The following PARP10 variants were observed in gnomAD, a reference collection of about 807,000 sequenced individuals.
PARP10 encodes the protein poly(ADP-ribose) polymerase family member 10, also known as protein mono-ADP-ribosyltransferase PARP10.
A neutral mutation model predicts 82.4 loss-of-function variants in PARP10; 56 were observed. The ratio of observed to expected loss-of-function variants is 0.68; its 90% confidence interval spans 0.55 to 0.85. PARP10 has a LOEUF of 0.85. Among genes scored for constraint, PARP10 ranks in the 40% least tolerant of loss-of-function variants. The pLI is 0.00. For missense variants in PARP10, 1,227 were observed against 1,379.4 expected (o/e 0.89, Z 1.75); for synonymous variants, 576 against 601.1 (o/e 0.96, Z 0.61).
intron 1 of PARP10, among the ~76,000 whole-genome samples, chr8:144,000,068 AAAG>A (rs1260937017): frequency 6.6e-6 from 1 of 152,200 alleles, no homozygotes; most frequent in Non-Finnish European, 1.5e-5. Context: ...ACTTGCATAA[AAAG>A]AAGGTTATGC....
chr8:143,985,205 G>A lies in PARP10; in HGVS notation c.797C>T (p.Ser266Phe), dbSNP rs782776769. 10 of 1,614,150 alleles carry A rather than the reference G, an allele frequency of 6.2e-6. No homozygotes were observed. The highest frequency in any genetic ancestry group is 8.5e-6 in the Non-Finnish European group (10 of 1,180,020). The change falls in exon 5 of 11, where the codon TCC (serine) becomes TTC (phenylalanine). Residue 266 changes from serine (S) to phenylalanine (F), a missense_variant. Physicochemically the swap from Ser to Phe is radical, Grantham distance 155. Transcript: ENST00000313028. ...AENTSGGDHP[S>F]TQGPRATKHA... ...CTTGGTAGCCCTAGGCCCCTGGGTG[G>A]ACGGGTGGTCCCCTCCACTGGTGTT...
rs1833959472 is a variant in PARP10, at chr8:143,985,267, G to A, written c.735C>T (p.Pro245=). The A allele has an allele frequency of 6.2e-7, 1 of 1,613,824 alleles. No individual in the cohort carries two copies. Among genetic ancestry groups the A allele is most frequent in the Non-Finnish European group, 8.5e-7 (1 of 1,179,928 alleles). The change falls in exon 5 of 11, where the codon CCC becomes CCT. Residue 245 remains proline, a synonymous_variant. Transcript: ENST00000313028. ...RLQGSELSLV[P]HYDILEPEEL... ...CCTCGGGCTCCAGGATGTCGTAGTG[G>A]GGGACAAGGCTCAGCTCTGAGCCCT...
rs782512294 is a variant in PARP10, at chr8:144,011,461, T to G, written c.-80+1069A>C. 6.6e-6 allele frequency among the ~76,000 whole-genome samples: 1 copy of G among 152,150 alleles called. No individual in the cohort carries two copies. On this transcript the variant is annotated intron_variant, in intron 1 of 3. Coordinates refer to the PARP10 transcript ENST00000530478. The surrounding 1 kb of genome is among the most constrained non-coding windows in gnomAD (Gnocchi z 4.5). ...CTTCCCCTTCCTCATTCCCACATTC[T>G]ACCAGGAGTCTGTCCTCTGGCCTGT... is the stretch of plus-strand genomic sequence containing the variant.
chr8:144,003,355 G>A (rs898117726), intron 1 of PARP10, among the ~76,000 whole-genome samples: 4 of 147,298 alleles, frequency 2.7e-5, no homozygotes, highest in African/African-American at 5.0e-5. Flanking sequence ...CCTGGGAGGC[G>A]AAGGTTGCAG....
intron 9 of PARP10, 133 bp downstream of exon 9, chr8:143,982,799 G>T: frequency 7.0e-7 from 1 of 1,420,344 alleles, no homozygotes; most frequent in Non-Finnish European, 9.5e-7. Context: ...CAGAGAACAG[G>T]GCTGGGAGCC....
chr8:143,987,995 T>C (rs574791197), upstream of PARP10, among the ~76,000 whole-genome samples: 1 of 150,392 alleles, frequency 6.6e-6, no homozygotes, highest in Non-Finnish European at 1.5e-5. Flanking sequence ...CTGCACACCC[T>C]GATGCTCAGA....
chr8:144,001,281 G>A (rs1554751686), intron 1 of PARP10, among the ~76,000 whole-genome samples: 1 of 151,944 alleles, frequency 6.6e-6, no homozygotes, highest in African/African-American at 2.4e-5. Flanking sequence ...GCATGGTCAC[G>A]GCTCATGCAG....
At chr8:144,009,115 G>A (rs923451699) in intron 1 of PARP10, among the ~76,000 whole-genome samples, 5 of 152,126 alleles carry the variant, frequency 3.3e-5, no homozygotes, top group South Asian at 2.1e-4. Context: ...AGAGGAACCC[G>A]CCTGCAGCTC....
upstream of PARP10, chr8:143,991,437 G>A (rs992349130): frequency 6.9e-7 from 1 of 1,453,140 alleles, no homozygotes; most frequent in East Asian, 2.5e-5. Context: ...CTACCCACAG[G>A]GTCCCTACCC....
At chr8:143,998,774 A>C (rs1834179455) in intron 1 of PARP10, among the ~76,000 whole-genome samples, 1 of 151,890 alleles carries the variant, frequency 6.6e-6, no homozygotes, top group African/African-American at 2.4e-5. Flanking sequence ...ACATGGCAAA[A>C]CCCCATCTCT....
rs782689938 is a variant in PARP10 at position 143,978,062 on chromosome 8, G to A, written c.2576C>T (p.Pro859Leu). ...RVVRVERVSH[P>L]LLQQQYELYR... ...CAGCTCATACTGCTGCTGCAGCAGC[G>A]GGTGCGACACGCGCTCCACCTGCGG... Residue 859 changes from proline to leucine, a missense_variant, in exon 10 of 11, where the codon CCG (proline) becomes CTG (leucine). Physicochemically the swap from Pro to Leu is moderately conservative, Grantham distance 98 (BLOSUM62 -3). Transcript: ENST00000313028. 5.2e-6 allele frequency: 8 copies of A among 1,534,682 alleles called. No individual in the cohort carries two copies. Among genetic ancestry groups the A allele is most frequent in the South Asian group, 1.2e-5 (1 of 85,282 alleles).
intron 1 of PARP10, among the ~76,000 whole-genome samples, chr8:144,004,338 G>A (rs926800898): frequency 2.6e-5 from 4 of 152,120 alleles, no homozygotes; most frequent in South Asian, 2.1e-4. Context: ...CCAGGACTGC[G>A]GGGAGGGGAA....
chr8:143,979,220 G>A (rs868949242), intron 9 of PARP10, among the ~76,000 whole-genome samples: 6 of 151,928 alleles, frequency 3.9e-5, no homozygotes, highest in South Asian at 2.1e-4. Context: ...TGATCCGCCC[G>A]CCTCAGCCTC....
chr8:143,985,706 A>G lies in PARP10; in HGVS notation c.436+15T>C. 1.2e-6 allele frequency: 2 copies of G among 1,603,020 alleles called. No individual in the cohort carries two copies. Among genetic ancestry groups the G allele is most frequent in the Non-Finnish European group, 1.7e-6 (2 of 1,173,266 alleles). On this transcript the variant is annotated intron_variant, in intron 3 of 10. Coordinates refer to ENST00000313028, the MANE Select transcript of PARP10 (RefSeq NM_032789.5). Reference sequence around the variant, plus strand: ...CCCCCCTAGCCAGCACCTCAACCCCAACCCTGCCTCTCACCTGCCTCAGAA... The same window carrying G: ...CCCCCCTAGCCAGCACCTCAACCCCGACCCTGCCTCTCACCTGCCTCAGAA...
chr8:143,983,275 G>A lies in PARP10; in HGVS notation c.2314C>T (p.Arg772Cys), dbSNP rs561983217. Reference sequence around the variant, plus strand: ...CGGGCAGGGTGGGCCCCGAAGCCACGGAGGATGGTGCAGTCACCACGCAGG... The same window carrying A: ...CGGGCAGGGTGGGCCCCGAAGCCACAGAGGATGGTGCAGTCACCACGCAGG... ...VALRGDCTILRGFGAHPARAA... is the reference protein window; with the variant it reads ...VALRGDCTILCGFGAHPARAA... Residue 772 changes from arginine to cysteine, a missense_variant, in exon 8 of 11, where the codon CGT (arginine) becomes TGT (cysteine). Coordinates refer to ENST00000313028, the MANE Select transcript of PARP10 (RefSeq NM_032789.5). 113 of 1,612,902 alleles carry A rather than the reference G, an allele frequency of 7.0e-5. 1 individual carries two copies. Among genetic ancestry groups the A allele is most frequent in the South Asian group, 6.2e-4 (56 of 90,994 alleles).
At chr8:143,980,318 TCAA>T (rs1833819479) in intron 9 of PARP10, among the ~76,000 whole-genome samples, 1 of 15,666 alleles carries the variant, frequency 6.4e-5, no homozygotes, top group African/African-American at 1.4e-4. Flanking sequence ...AGATTCCGTC[TCAA>T]AAAAAAAAAA....
chr8:143,983,875 G>C, intron 7 of PARP10, 64 bp from the exon 8 acceptor site: 1 of 1,520,464 alleles, frequency 6.6e-7, no homozygotes, highest in South Asian at 1.3e-5. Context: ...ATGGATGAAA[G>C]ATGGGGAGCA....
upstream of PARP10, chr8:143,990,124 G>T (rs1554750207): frequency 1.3e-5 from 2 of 151,208 alleles, no homozygotes; most frequent in Admixed American, 6.6e-5. The surrounding 1 kb of genome is among the most constrained non-coding windows in gnomAD (Gnocchi z 5.6). Context: ...GCGGGTGCGG[G>T]TGCGGGCGCA....
rs782179876 is a variant in PARP10 at position 143,986,222 on chromosome 8, G to T, written c.14C>A (p.Ala5Glu). MVAM[A>E]EAEAGVAVEV... is the part of the protein sequence containing the mutation. Reference sequence around the variant, plus strand: ...CACTGCCACCCCTGCCTCTGCCTCCGCCATTGCAACCCTGGGACGGGGCAT... The same window carrying T: ...CACTGCCACCCCTGCCTCTGCCTCCTCCATTGCAACCCTGGGACGGGGCAT... The change falls in exon 2 of 11, where the codon GCG becomes GAG. Residue 5 changes from alanine (A) to glutamate (E), a missense_variant. Ala to Glu is a moderately radical substitution (Grantham distance 107). Coordinates refer to ENST00000313028, the MANE Select transcript of PARP10 (RefSeq NM_032789.5). 2 of 1,613,970 alleles carry T rather than the reference G, an allele frequency of 1.2e-6. No individual in the cohort carries two copies. Among genetic ancestry groups the T allele is most frequent in the Non-Finnish European group, 1.7e-6 (2 of 1,179,930 alleles).
Sources: gnomAD v4.1 joint callset for allele counts (sites outside exome capture counted in the v4.1 genomes callset) on GRCh38, gnomAD v4.1.1 for gene constraint, Gnocchi (gnomAD v3.1) non-coding constraint, MANE v1.5 for transcripts, NCBI Gene and HGNC (gene_info 2026-07-23, HGNC 2026-07-21) for gene names.